The following AHR variants were observed in gnomAD, a reference collection of about 807,000 sequenced individuals.
The protein encoded by AHR is aryl hydrocarbon receptor.
In AHR, 40 loss-of-function variants were observed where a neutral mutation model predicts 86.8. That is an observed-to-expected ratio of 0.46 (90% CI 0.36 to 0.60). The LOEUF (loss-of-function observed/expected upper bound fraction) is 0.60. Ranked by LOEUF, AHR falls within the 20% of genes least tolerant of loss-of-function variation. AHR has a pLI of 0.00. For missense variants in AHR, 1,001 were observed against 1,011.6 expected, an observed-to-expected ratio of 0.99 and a Z score of 0.14; for synonymous variants, 398 against 354.9, an observed-to-expected ratio of 1.12 and a Z score of -1.37.
In AHR at chr7:17,343,074, C is replaced by T. The variant is rs374691329; in HGVS notation, c.*10C>T. ...CAGTGGATTCCTGTAATTCCAAGCC[C>T]AATTTTGACCCTGGTTTTTGGATTA... On this transcript the variant is annotated 3_prime_UTR_variant, in exon 11 of 11. Transcript: ENST00000242057. 5.0e-6 allele frequency: 8 copies of T among 1,613,066 alleles called. No homozygotes were observed. The highest frequency in any genetic ancestry group is 6.8e-6 in the Non-Finnish European group (8 of 1,179,564).
intron 6 of AHR, among the ~76,000 whole-genome samples, chr7:17,333,328 C>T (rs1782320231): frequency 6.6e-6 from 1 of 151,898 alleles, no homozygotes; most frequent in Admixed American, 6.6e-5. Context: ...TTGTTTTAAG[C>T]AATTAAATAT....
chr7:17,309,877 A>G (rs1782044078), intron 1 of AHR, 59 bp from the exon 2 acceptor site: 27 of 1,383,054 alleles, frequency 2.0e-5, no homozygotes, highest in Admixed American at 1.1e-4. Flanking sequence ...ATAATGCAAT[A>G]GAAATTTTTG....
At position 17,339,675 on chromosome 7, in the gene AHR, T is replaced by C. The variant is rs1584043533; in HGVS notation, c.1850T>C (p.Leu617Pro). The change falls in exon 10 of 11, where the codon CTA becomes CCA. Residue 617 changes from leucine to proline, a missense_variant. This residue lies in a region of AHR where 607 missense variants were observed against 543.1 expected (regional missense o/e 1.12). Coordinates refer to ENST00000242057, the MANE Select transcript of AHR (RefSeq NM_001621.5). ...LNSSCMVQEHLHLEQQQQHHQ... is the reference protein window; with the variant it reads ...LNSSCMVQEHPHLEQQQQHHQ... Reference sequence around the variant, plus strand: ...TCAAGCTGTATGGTACAGGAACACCTACATCTAGAACAGCAACAGCAACAT... The same window carrying C: ...TCAAGCTGTATGGTACAGGAACACCCACATCTAGAACAGCAACAGCAACAT... 1 of 1,614,084 alleles carries C rather than the reference T, an allele frequency of 6.2e-7. No homozygotes were observed. Among genetic ancestry groups the C allele is most frequent in the East Asian group, 2.2e-5 (1 of 44,878 alleles).
chr7:17,312,277 C>T (rs1782073307), intron 2 of AHR, among the ~76,000 whole-genome samples: 1 of 152,176 alleles, frequency 6.6e-6, no homozygotes, highest in South Asian at 2.1e-4. Context: ...TATTCTCTGA[C>T]TCTGATAAAG....
chr7:17,323,369 A>G lies in AHR; in HGVS notation c.360+762A>G, dbSNP rs979332768. Among the ~76,000 whole-genome samples the G allele has an allele frequency of 2.6e-5, 4 of 152,280 alleles. No individual in the cohort carries two copies. In the East Asian group the frequency reaches 5.8e-4, roughly 22 times the overall value. On this transcript the variant is annotated intron_variant, in intron 3 of 10. Coordinates refer to ENST00000242057, the MANE Select transcript of AHR (RefSeq NM_001621.5). The stretch of plus-strand genomic sequence containing the variant: ...TAGCAACTGTTTGTGACTTATTAAC[A>G]TACTAAAGATTTTCTCAACAACTCC...
intron 2 of AHR, among the ~76,000 whole-genome samples, chr7:17,315,759 TATTA>T (rs968207937): frequency 3.9e-4 from 59 of 151,800 alleles, no homozygotes; most frequent in Non-Finnish European, 5.2e-4. Context: ...TCATATATAA[TATTA>T]ATTATATTAA....
chr7:17,323,449 T>G (rs1310789843), intron 3 of AHR, among the ~76,000 whole-genome samples: 4 of 152,172 alleles, frequency 2.6e-5, no homozygotes, highest in Admixed American at 2.6e-4. Context: ...TGAAAGCATT[T>G]TGCATCTTTT....
At chr7:17,311,356 AT>A (rs1457623261) in intron 2 of AHR, among the ~76,000 whole-genome samples, 1 of 152,104 alleles carries the variant, frequency 6.6e-6, no homozygotes, top group Non-Finnish European at 1.5e-5. Context: ...GTGTCCCTAG[AT>A]TTTGCATGTC....
chr7:17,331,619 C>G (rs375696587), intron 6 of AHR, among the ~76,000 whole-genome samples: 3 of 151,808 alleles, frequency 2.0e-5, no homozygotes, highest in Admixed American at 6.6e-5. Flanking sequence ...CCATATGTCT[C>G]AAATAACTGC....
chr7:17,311,398 TGGTCTA>T (rs1341178970), intron 2 of AHR, among the ~76,000 whole-genome samples: 1 of 152,200 alleles, frequency 6.6e-6, no homozygotes, highest in East Asian at 1.9e-4. Flanking sequence ...CTGATCCTGC[TGGTCTA>T]GGTCACTAGG....
At chr7:17,308,609 G>A (rs1405432320) in intron 1 of AHR, among the ~76,000 whole-genome samples, 1 of 151,810 alleles carries the variant, frequency 6.6e-6, no homozygotes, top group Non-Finnish European at 1.5e-5. Context: ...AATATGATTA[G>A]GGGAAAATAG....
At chr7:17,302,812 T>A (rs13362820) in intron 1 of AHR, among the ~76,000 whole-genome samples, 3,429 of 148,774 alleles carry the variant, frequency 0.023, 48 homozygotes, top group Middle Eastern at 0.072. Context: ...AAAAAAAAAA[T>A]ATATATATAT....
Position 17,318,263 on chromosome 7 carries a change from G to A in AHR, c.254-4238G>A, listed in dbSNP as rs566551417. ...TTCAAAGCATGTGATATGAAGAGAT[G>A]TGGCATTTAGGGAGTAGGGGAAATC... On this transcript the variant is annotated intron_variant, in intron 2 of 10. Coordinates refer to ENST00000242057, the MANE Select transcript of AHR (RefSeq NM_001621.5). Among the ~76,000 whole-genome samples, 3 of 152,150 alleles carry A rather than the reference G, an allele frequency of 2.0e-5. No individual in the cohort carries two copies. In the South Asian group the frequency reaches 6.2e-4, roughly 32 times the overall value.
At chr7:17,310,394 A>C (rs1420815053) in intron 2 of AHR, among the ~76,000 whole-genome samples, 1 of 152,114 alleles carries the variant, frequency 6.6e-6, no homozygotes, top group African/African-American at 2.4e-5. Flanking sequence ...GATTATGTCA[A>C]ATTCCAGTTT....
At chr7:17,331,470 A>G (rs994750896) in intron 6 of AHR, among the ~76,000 whole-genome samples, 1 of 150,990 alleles carries the variant, frequency 6.6e-6, no homozygotes, top group East Asian at 1.9e-4. Flanking sequence ...ACAAAAATTG[A>G]GTGAAATAAC....
chr7:17,306,966 G>T (rs991185857), intron 1 of AHR, among the ~76,000 whole-genome samples: 6 of 152,120 alleles, frequency 3.9e-5, no homozygotes, highest in Non-Finnish European at 5.9e-5. Context: ...AGAAATAAGG[G>T]TGTTAGGCAA....
chr7:17,324,671 G>A (rs957626856), intron 3 of AHR, among the ~76,000 whole-genome samples: 3 of 151,876 alleles, frequency 2.0e-5, no homozygotes, highest in African/African-American at 7.3e-5. Context: ...GTGTGGTGGC[G>A]GGTGCCTGTA....
At chr7:17,320,788 G>A (rs1782160996) in intron 2 of AHR, among the ~76,000 whole-genome samples, 1 of 152,110 alleles carries the variant, frequency 6.6e-6, no homozygotes, top group Non-Finnish European at 1.5e-5. Flanking sequence ...TTGATGAACT[G>A]TTAGGTCAGT....
intron 1 of AHR, among the ~76,000 whole-genome samples, chr7:17,306,454 T>A (rs1055565931): frequency 6.6e-6 from 1 of 152,214 alleles, no homozygotes; most frequent in Non-Finnish European, 1.5e-5. Context: ...AGGGTACTTC[T>A]TAGCCCTGAC....
Sources: gnomAD v4.1 joint callset for allele counts (sites outside exome capture counted in the v4.1 genomes callset) on GRCh38, gnomAD v4.1.1 for gene constraint, gnomAD v4.1.1 regional missense constraint, MANE v1.5 for transcripts, NCBI Gene and HGNC (gene_info 2026-07-23, HGNC 2026-07-21) for gene names.